TMEM178B: variants seen among roughly 807,000 people sequenced by gnomAD.
TMEM178B encodes transmembrane protein 178B.
In TMEM178B, 5 loss-of-function variants were observed where a neutral mutation model predicts 31.0. That is an observed-to-expected ratio of 0.16 (90% CI 0.08 to 0.34). The LOEUF is 0.34. Ranked by LOEUF, TMEM178B falls within the 10% of genes least tolerant of loss-of-function variation. The pLI, the probability that TMEM178B is intolerant of heterozygous loss-of-function variation, is 1.00. For missense variants in TMEM178B, 275 were observed against 400.3 expected (o/e 0.69, Z 2.67); for synonymous variants, 164 against 164.0 (o/e 1.00, Z 0.00).
At chr7:141,457,769 C>T (rs1013042632) in intron 3 of TMEM178B, among the ~76,000 whole-genome samples, 1 of 152,148 alleles carries the variant, frequency 6.6e-6, no homozygotes, top group African/African-American at 2.4e-5. Flanking sequence ...GAAAAACATG[C>T]AACTGTGCAA....
chr7:141,196,322 GTCC>G (rs139389328), intron 1 of TMEM178B, among the ~76,000 whole-genome samples: 89 of 151,782 alleles, frequency 5.9e-4, no homozygotes, highest in Admixed American at 1.7e-3. Context: ...TTGTATATAT[GTCC>G]TCCTCAGCCA....
chr7:141,384,155 C>G (rs1333952395), intron 2 of TMEM178B, among the ~76,000 whole-genome samples: 1 of 152,030 alleles, frequency 6.6e-6, no homozygotes, highest in African/African-American at 2.4e-5. Flanking sequence ...AAATTTTCTC[C>G]CATTTTGTAG....
intron 2 of TMEM178B, among the ~76,000 whole-genome samples, chr7:141,317,369 A>G (rs766847233): frequency 2.0e-5 from 3 of 152,176 alleles, no homozygotes; most frequent in Non-Finnish European, 4.4e-5. Flanking sequence ...TTTTGGTTAT[A>G]ATCCTACCTT....
chr7:141,117,075 T>C (rs1795331110), intron 1 of TMEM178B, among the ~76,000 whole-genome samples: 1 of 152,190 alleles, frequency 6.6e-6, no homozygotes, highest in Non-Finnish European at 1.5e-5. Flanking sequence ...TTCTAGATCC[T>C]TGAGGAATCA....
At chr7:141,491,865 G>T in the TMEM178B span, among the ~76,000 whole-genome samples, 4 of 152,088 alleles carry the variant, frequency 2.6e-5, no homozygotes, top group Non-Finnish European at 4.4e-5. Context: ...CCTTTCACCT[G>T]CCTCCTCATC....
intron 2 of TMEM178B, among the ~76,000 whole-genome samples, chr7:141,390,917 G>A (rs972343574): frequency 1.3e-5 from 2 of 152,270 alleles, no homozygotes; most frequent in Admixed American, 6.5e-5. Flanking sequence ...AACAATATGC[G>A]GCAGGAATTA....
intron 2 of TMEM178B, among the ~76,000 whole-genome samples, chr7:141,301,252 T>TG (rs1798719873): frequency 6.6e-6 from 1 of 152,210 alleles, no homozygotes; most frequent in Admixed American, 6.5e-5. Context: ...GTTACGTTTA[T>TG]GGGGTTGTGT....
intron 1 of TMEM178B, among the ~76,000 whole-genome samples, chr7:141,129,000 A>G (rs1382958068): frequency 1.3e-5 from 2 of 152,260 alleles, no homozygotes; most frequent in African/African-American, 4.8e-5. Flanking sequence ...ATTAAAAATT[A>G]GAGTCTAAGG....
intron 1 of TMEM178B, among the ~76,000 whole-genome samples, chr7:141,159,798 G>T (rs1311874038): frequency 6.6e-6 from 1 of 151,930 alleles, no homozygotes; most frequent in Admixed American, 6.6e-5. Context: ...AAGGGTGGTC[G>T]TCAGGGGGTT....
intron 2 of TMEM178B, among the ~76,000 whole-genome samples, chr7:141,305,145 A>T (rs1298453748): frequency 6.6e-6 from 1 of 152,180 alleles, no homozygotes; most frequent in Non-Finnish European, 1.5e-5. Context: ...TTTCCAAACT[A>T]TGAACCTCAA....
intron 2 of TMEM178B, among the ~76,000 whole-genome samples, chr7:141,343,570 G>C (rs1263168680): frequency 1.7e-5 from 2 of 114,844 alleles, no homozygotes; most frequent in African/African-American, 7.0e-5. Flanking sequence ...GTCTTGCTCT[G>C]TCTCCCAGGC....
intron 3 of TMEM178B, among the ~76,000 whole-genome samples, chr7:141,446,248 A>G (rs1181756): frequency 0.8 from 121,728 of 151,752 alleles, 49,079 homozygotes; most frequent in African/African-American, 0.87. Flanking sequence ...AATGGGACCT[A>G]CCCCTTCTAC....
chr7:141,475,650 A>G lies in TMEM178B; in HGVS notation c.*4864A>G, dbSNP rs995648685. The G allele has an allele frequency of 6.6e-6, 1 of 152,272 alleles. No homozygotes were observed. The highest frequency in any genetic ancestry group is 1.5e-5 in the Non-Finnish European group (1 of 68,140). 9.4% of individuals were successfully genotyped at this position (152,272 alleles called of 1,614,324 possible). Reference sequence around the variant, plus strand: ...AGTTGACCCTGTGTTCCTGGCAGCAAGAGTGCAGGGCCCTGAGCCCCCAGA... The same window carrying G: ...AGTTGACCCTGTGTTCCTGGCAGCAGGAGTGCAGGGCCCTGAGCCCCCAGA... On this transcript the variant is annotated 3_prime_UTR_variant, in exon 4 of 4. Transcript: ENST00000565468.
At chr7:141,194,559 G>A (rs1183112612) in intron 1 of TMEM178B, among the ~76,000 whole-genome samples, 2 of 152,194 alleles carry the variant, frequency 1.3e-5, no homozygotes, top group South Asian at 2.1e-4. Flanking sequence ...CTGTGGCTTT[G>A]CAGGTTACAG....
chr7:141,408,130 A>T (rs142581992), intron 2 of TMEM178B, among the ~76,000 whole-genome samples: 1 of 151,974 alleles, frequency 6.6e-6, no homozygotes, highest in Non-Finnish European at 1.5e-5. Context: ...GGATTCAGTG[A>T]TTTCATTTGT....
At chr7:141,098,195 CT>C (rs1425768507) in intron 1 of TMEM178B, among the ~76,000 whole-genome samples, 1 of 152,160 alleles carries the variant, frequency 6.6e-6, no homozygotes, top group Non-Finnish European at 1.5e-5. Flanking sequence ...GAGAAGGTAT[CT>C]TTCCAATTTA....
chr7:141,431,624 T>A (rs1335626542), intron 2 of TMEM178B, among the ~76,000 whole-genome samples: 1 of 152,234 alleles, frequency 6.6e-6, no homozygotes, highest in Non-Finnish European at 1.5e-5. Context: ...TTCTCTATCT[T>A]GGCCTTTGCC....
chr7:141,271,494 C>CCCA (rs1157188877), intron 2 of TMEM178B, among the ~76,000 whole-genome samples: 1 of 152,046 alleles, frequency 6.6e-6, no homozygotes, highest in Admixed American at 6.6e-5. Flanking sequence ...TGAGATGGGC[C>CCCA]CCAGTGCATA....
At chr7:141,497,708 G>A in the TMEM178B span, among the ~76,000 whole-genome samples, 1 of 152,164 alleles carries the variant, frequency 6.6e-6, no homozygotes, top group Admixed American at 6.5e-5. Flanking sequence ...TCCATGACTG[G>A]CTTCCCTGTC....
Sources: allele counts gnomAD v4.1 joint callset (sites outside exome capture counted in the v4.1 genomes callset), GRCh38; gene constraint gnomAD v4.1.1; transcripts MANE v1.5; gene names NCBI Gene and HGNC (gene_info 2026-07-23, HGNC 2026-07-21).